ZNF570: variants seen among roughly 807,000 people sequenced by gnomAD.
ZNF570 encodes the protein zinc finger protein 570.
A neutral mutation model predicts 14.2 loss-of-function variants in ZNF570; 8 were observed. The observed-to-expected ratio is 0.56, with a 90% CI of 0.33 to 1.02. The LOEUF (loss-of-function observed/expected upper bound fraction) is 1.02, where lower values mean the gene tolerates loss of function less well. Ranked by LOEUF, ZNF570 falls within the 50% of genes least tolerant of loss-of-function variation. The probability of loss-of-function intolerance (pLI) is 0.03; values close to 1 mark genes in which losing one functional copy is unlikely to be tolerated. For synonymous variants in ZNF570, 202 were observed against 207.6 expected, an observed-to-expected ratio of 0.97 and a Z score of 0.23; for missense variants, 559 against 624.9, an observed-to-expected ratio of 0.89 and a Z score of 1.12.
chr19:37,476,331 A>ACT lies in ZNF570; in HGVS notation c.161-8_161-7insCT. On this transcript the variant is annotated splice_polypyrimidine_tract_variant and splice_region_variant and intron_variant, in intron 3 of 4. Transcript: ENST00000330173. ...ACAAAACTCTACTTTTTTTTTTCGT[A>ACT]TTTGCAGGACTTTGCTTTTCCAAAC... 1 of 1,597,894 alleles carries ACT rather than the reference A, an allele frequency of 6.3e-7. No homozygotes were observed. Among genetic ancestry groups the ACT allele is most frequent in the Non-Finnish European group, 8.5e-7 (1 of 1,175,152 alleles).
chr19:37,471,039 G>A (rs1436754320), intron 2 of ZNF570, among the ~76,000 whole-genome samples: 1 of 86,962 alleles, frequency 1.1e-5, no homozygotes, highest in Non-Finnish European at 2.1e-5. Flanking sequence ...TGTTGAGACG[G>A]AGTCTTGCTC....
At chr19:37,468,921 G>A, upstream of ZNF570, 2 of 434,380 alleles carry the variant, frequency 4.6e-6, no homozygotes, top group Non-Finnish European at 6.1e-6. Context: ...CACAATTCTA[G>A]GAATTCGCCT....
At chr19:37,471,234 C>A (rs1207538251) in intron 2 of ZNF570, among the ~76,000 whole-genome samples, 2 of 150,312 alleles carry the variant, frequency 1.3e-5, no homozygotes, top group East Asian at 2.0e-4. Flanking sequence ...AGGATGGTCT[C>A]GATCTCCTGA....
chr19:37,472,522 C>A (rs1010624488), intron 2 of ZNF570, among the ~76,000 whole-genome samples: 1 of 152,042 alleles, frequency 6.6e-6, no homozygotes, highest in African/African-American at 2.4e-5. Context: ...GGGCGGATCA[C>A]CTGAGGTCGG....
In ZNF570 at chr19:37,476,200, C is replaced by T. The variant is rs371961120; in HGVS notation, c.161-139C>T. On this transcript the variant is annotated intron_variant, in intron 3 of 4. Transcript: ENST00000330173. Reference sequence around the variant, plus strand: ...GTGCCTGAAGCTTCATCTTCCTTATCCTTCTAATACATGTCCTTTACACAT... The same window carrying T: ...GTGCCTGAAGCTTCATCTTCCTTATTCTTCTAATACATGTCCTTTACACAT... 375 of 1,257,720 alleles carry T rather than the reference C, an allele frequency of 3.0e-4. 3 individuals carry two copies. In the South Asian group the frequency reaches 4.7e-3, roughly 16 times the overall value. The allele number at this position is 1,257,720 out of a possible 1,614,324, so 77.9% of individuals were successfully genotyped here. A position where few individuals can be genotyped will look rare whatever the true frequency, so the allele number is the denominator to read the frequency against.
rs762565544 is a variant in ZNF570 at position 37,484,259 on chromosome 19, G to A, written c.637G>A (p.Ala213Thr). 107 of 1,613,312 alleles carry A rather than the reference G, an allele frequency of 6.6e-5. No homozygotes were observed. In the Admixed American group the frequency reaches 7.3e-4, roughly 11 times the overall value. The change falls in exon 5 of 5, where the codon GCA becomes ACA. Residue 213 changes from alanine (A) to threonine (T), a missense_variant. Physicochemically the swap from Ala to Thr is moderately conservative, Grantham distance 58. Coordinates refer to ENST00000330173, the MANE Select transcript of ZNF570 (RefSeq NM_144694.5). ...GGCTATTAAGCCCAAGAGTGTCTGT[G>A]CAGAGAAGAAACTTTTGAAATGTAA... ...LMAIKPKSVC[A>T]EKKLLKCNDC...
At chr19:37,471,301 C>T (rs531093926) in intron 2 of ZNF570, among the ~76,000 whole-genome samples, 1 of 152,298 alleles carries the variant, frequency 6.6e-6, no homozygotes, top group South Asian at 2.1e-4. Context: ...GCGTGAGCCA[C>T]CGCACCCGGC....
At position 37,488,488 on chromosome 19, in the gene ZNF570, A is replaced by G. The variant is rs1000538705; in HGVS notation, c.*3255A>G. The G allele has an allele frequency of 2.6e-5, 4 of 152,190 alleles. No homozygotes were observed. The highest frequency in any genetic ancestry group is 9.7e-5 in the African/African-American group (4 of 41,440). The allele number at this position is 152,190 out of a possible 1,614,324, so 9.4% of individuals were successfully genotyped here. On this transcript the variant is annotated 3_prime_UTR_variant, in exon 5 of 5. Coordinates refer to ENST00000330173, the MANE Select transcript of ZNF570 (RefSeq NM_144694.5). ...TGAGATTGGGGAAAGGATGCAAATGAAAATACCTTTAATTATTCATTTCTT... is the reference window on the plus strand; with the variant it reads ...TGAGATTGGGGAAAGGATGCAAATGGAAATACCTTTAATTATTCATTTCTT...
chr19:37,469,038 C>T (rs188467911), upstream of ZNF570: 109 of 989,074 alleles, frequency 1.1e-4, no homozygotes, highest in African/African-American at 1.7e-3. Context: ...CTAAGGGAGG[C>T]GCGCAGAGCG....
intron 2 of ZNF570, among the ~76,000 whole-genome samples, chr19:37,472,238 A>G (rs1443124640): frequency 6.6e-6 from 1 of 151,864 alleles, no homozygotes; most frequent in Non-Finnish European, 1.5e-5. Context: ...TGCTTCCATT[A>G]TGTTCTGTAC....
At chr19:37,476,862 A>T (rs2042031664) in intron 4 of ZNF570, among the ~76,000 whole-genome samples, 3 of 152,046 alleles carry the variant, frequency 2.0e-5, no homozygotes, top group Admixed American at 6.6e-5. Flanking sequence ...GGCACATGCC[A>T]CCACGCCCAG....
Position 37,469,531 on chromosome 19 carries a change from A to G in ZNF570, c.-78A>G, listed in dbSNP as rs775042800. On this transcript the variant is annotated 5_prime_UTR_variant, in exon 1 of 5. Coordinates refer to ENST00000330173, the MANE Select transcript of ZNF570 (RefSeq NM_144694.5). ...GGTCTCCGGAAGCTCGTCGCAGGCC[A>G]TCTGTGTGACTCCGGTGCGAGTGGA... The G allele has an allele frequency of 4.6e-5, 71 of 1,536,286 alleles. No individual in the cohort carries two copies. In the South Asian group the frequency reaches 8.2e-4, roughly 18 times the overall value.
rs1183943015 is a variant in ZNF570, at chr19:37,485,354, A to AT, written c.*126dup. The AT allele has an allele frequency of 2.0e-6, 2 of 1,022,732 alleles. No homozygotes were observed. The highest frequency in any genetic ancestry group is 5.7e-5 in the East Asian group (2 of 35,096). 63.4% of individuals were successfully genotyped at this position (1,022,732 alleles called of 1,614,324 possible). On this transcript the variant is annotated 3_prime_UTR_variant, in exon 5 of 5. Coordinates refer to ENST00000330173, the MANE Select transcript of ZNF570 (RefSeq NM_144694.5). ...CTTTCAAACAGGTTTTCCTGTATTT[A>AT]TTTTTGCTACCTTTAAATCCATTTC...
At chr19:37,468,694 G>T (rs550123855), upstream of ZNF570, among the ~76,000 whole-genome samples, 1 of 152,292 alleles carries the variant, frequency 6.6e-6, no homozygotes, top group South Asian at 2.1e-4. Flanking sequence ...TTTTAGTAGA[G>T]ACGGGGTTTC....
chr19:37,481,193 AC>A (rs1334933154), intron 4 of ZNF570, among the ~76,000 whole-genome samples: 2 of 149,412 alleles, frequency 1.3e-5, no homozygotes, highest in East Asian at 3.9e-4. Flanking sequence ...TTGCACTGTC[AC>A]CCGGGCTGGA....
intron 2 of ZNF570, among the ~76,000 whole-genome samples, chr19:37,474,626 A>G (rs1338591607): frequency 6.6e-6 from 1 of 151,782 alleles, no homozygotes; most frequent in Non-Finnish European, 1.5e-5. Flanking sequence ...TGCCCAGCTA[A>G]TTTTTGTATT....
chr19:37,480,465 C>T (rs1346514667), intron 4 of ZNF570, among the ~76,000 whole-genome samples: 1 of 152,144 alleles, frequency 6.6e-6, no homozygotes, highest in Non-Finnish European at 1.5e-5. Context: ...GCCTGGGCAA[C>T]AAGAGCAAAA....
At position 37,484,531 on chromosome 19, in the gene ZNF570, A is replaced by G; in HGVS notation, c.909A>G (p.Glu303=). ...LRVHTGEKPY[E]CKVCRKAFSQ... ...TTCATACTGGAGAAAAACCTTACGA[A>G]TGTAAGGTATGTCGAAAAGCCTTCA... Residue 303 remains glutamate, a synonymous_variant, in exon 5 of 5, where the codon GAA becomes GAG. Transcript: ENST00000330173. 1 of 1,614,020 alleles carries G rather than the reference A, an allele frequency of 6.2e-7. No homozygotes were observed. The highest frequency in any genetic ancestry group is 8.5e-7 in the Non-Finnish European group (1 of 1,179,976).
intron 2 of ZNF570, among the ~76,000 whole-genome samples, chr19:37,471,154 C>T (rs974217536): frequency 6.6e-6 from 1 of 151,364 alleles, no homozygotes; most frequent in Non-Finnish European, 1.5e-5. Context: ...GCTGGGACTA[C>T]AGGCGCCCAC....
Sources: allele counts gnomAD v4.1 joint callset (sites outside exome capture counted in the v4.1 genomes callset), GRCh38; gene constraint gnomAD v4.1.1; transcripts MANE v1.5; gene names NCBI Gene and HGNC (gene_info 2026-07-23, HGNC 2026-07-21).